The following GSN variants were observed in gnomAD, a reference collection of about 807,000 sequenced individuals.
GSN encodes actin-depolymerizing factor.
A neutral mutation model predicts 85.7 loss-of-function variants in GSN; 56 were observed. The observed-to-expected ratio is 0.65, with a 90% CI of 0.53 to 0.82. The LOEUF is 0.82. GSN is among the 40% of genes least tolerant of loss of function. GSN has a pLI of 0.00. For synonymous variants in GSN, 373 were observed against 399.1 expected (o/e 0.93, Z 0.78); for missense variants, 857 against 979.8 (o/e 0.87, Z 1.67).
chr9:121,213,906 T>C (rs2054010728), intron 4 of GSN, among the ~76,000 whole-genome samples: 1 of 152,188 alleles, frequency 6.6e-6, no homozygotes, highest in African/African-American at 2.4e-5. Context: ...TTAAAAGCCC[T>C]TTCAACCGAC....
chr9:121,205,441 G>T (rs1471990010), upstream of GSN, among the ~76,000 whole-genome samples: 1 of 152,202 alleles, frequency 6.6e-6, no homozygotes, highest in Non-Finnish European at 1.5e-5. Context: ...GGGCAGCACT[G>T]ATCTGCTCTG....
chr9:121,306,545 A>G (rs1235107334), intron 4 of GSN, among the ~76,000 whole-genome samples: 2 of 152,252 alleles, frequency 1.3e-5, no homozygotes, highest in Non-Finnish European at 2.9e-5. Flanking sequence ...CTGAACGTAT[A>G]TAGGTAGACA....
At chr9:121,273,978 T>C (rs1423910278) in intron 1 of GSN, among the ~76,000 whole-genome samples, 1 of 152,224 alleles carries the variant, frequency 6.6e-6, no homozygotes, top group East Asian at 1.9e-4. Flanking sequence ...ATCTTGGGTA[T>C]AAAAACTTCT....
chr9:121,304,067 G>A (rs1258925535), intron 4 of GSN, among the ~76,000 whole-genome samples: 1 of 152,226 alleles, frequency 6.6e-6, no homozygotes, highest in African/African-American at 2.4e-5. Context: ...CTAGGGTAGG[G>A]TCCAAGCCTG....
At chr9:121,304,425 G>C (rs2060198889) in intron 4 of GSN, among the ~76,000 whole-genome samples, 1 of 152,250 alleles carries the variant, frequency 6.6e-6, no homozygotes, top group Non-Finnish European at 1.5e-5. Flanking sequence ...AGTCCCCTGA[G>C]CTGGAGAAGG....
At chr9:121,320,289 CT>C (rs2062251573) in intron 10 of GSN, among the ~76,000 whole-genome samples, 1 of 152,224 alleles carries the variant, frequency 6.6e-6, no homozygotes, top group Non-Finnish European at 1.5e-5. Context: ...CTGCGGAGAC[CT>C]GCCAGCAGGG....
intron 4 of GSN, among the ~76,000 whole-genome samples, chr9:121,215,094 G>A (rs992678693): frequency 1.3e-5 from 2 of 151,978 alleles, no homozygotes; most frequent in African/African-American, 4.8e-5. Context: ...AATCCTTGTT[G>A]TTCTTGGATT....
At chr9:121,227,404 AAGAG>A (rs1036090172) in intron 4 of GSN, among the ~76,000 whole-genome samples, 9 of 151,844 alleles carry the variant, frequency 5.9e-5, no homozygotes, top group Non-Finnish European at 5.9e-5. Flanking sequence ...AAAAAAAAAA[AAGAG>A]AGAGAGAGAA....
At chr9:121,237,627 A>G (rs2054522076) in intron 5 of GSN, among the ~76,000 whole-genome samples, 1 of 152,214 alleles carries the variant, frequency 6.6e-6, no homozygotes, top group Non-Finnish European at 1.5e-5. Context: ...GCACAGAACC[A>G]CAGGCACATC....
intron 2 of GSN, among the ~76,000 whole-genome samples, chr9:121,300,945 G>A (rs1389229010): frequency 6.6e-6 from 1 of 152,150 alleles, no homozygotes; most frequent in African/African-American, 2.4e-5. Flanking sequence ...CCCACTTAGC[G>A]TGCACAGAGC....
At chr9:121,265,545 C>T (rs1202003885), upstream of GSN, 1 of 152,294 alleles carries the variant, frequency 6.6e-6, no homozygotes, top group African/African-American at 2.4e-5. Context: ...ACAGTACAAA[C>T]CTGGGTGCAA....
At chr9:121,280,634 A>G (rs1397336004) in intron 1 of GSN, 2 of 152,384 alleles carry the variant, frequency 1.3e-5, no homozygotes, top group East Asian at 1.9e-4. Flanking sequence ...AAATTTAATT[A>G]TTAATAATCA....
chr9:121,282,609 A>G, intron 2 of GSN: 2 of 913,412 alleles, frequency 2.2e-6, no homozygotes, highest in East Asian at 3.3e-5. Flanking sequence ...GGGATTCCCA[A>G]AAGGTCTGCC....
At chr9:121,239,149 G>A (rs941470117) in intron 5 of GSN, 3 of 341,606 alleles carry the variant, frequency 8.8e-6, no homozygotes, top group African/African-American at 2.1e-5. Context: ...GGCTAAGTCT[G>A]TATAAGTGTA....
At chr9:121,249,441 C>T (rs913091348) in intron 6 of GSN, among the ~76,000 whole-genome samples, 1 of 152,192 alleles carries the variant, frequency 6.6e-6, no homozygotes, top group African/African-American at 2.4e-5. Flanking sequence ...CGTGCCACTG[C>T]ATTCCAGCCT....
At chr9:121,254,052 C>T (rs552937901) in intron 6 of GSN, among the ~76,000 whole-genome samples, 2 of 152,240 alleles carry the variant, frequency 1.3e-5, no homozygotes, top group East Asian at 1.9e-4. Flanking sequence ...TCTGTTCTCT[C>T]GTTCTTTAGC....
chr9:121,226,419 G>A (rs1187696054), intron 4 of GSN, among the ~76,000 whole-genome samples: 1 of 152,214 alleles, frequency 6.6e-6, no homozygotes, highest in Non-Finnish European at 1.5e-5. Context: ...CTGAGTCATA[G>A]GGGATGAGGT....
At chr9:121,232,270 T>C (rs1325775785) in intron 5 of GSN, among the ~76,000 whole-genome samples, 1 of 152,200 alleles carries the variant, frequency 6.6e-6, no homozygotes, top group Admixed American at 6.5e-5. Flanking sequence ...TCTGGTGGGA[T>C]CTTAGGAAAC....
chr9:121,331,661 C>T (rs2063921755), intron 17 of GSN: 3 of 552,314 alleles, frequency 5.4e-6, no homozygotes, highest in Admixed American at 6.1e-5. Context: ...TGAGGCTTCT[C>T]AAAGAAGGCT....
Sources: allele counts gnomAD v4.1 joint callset (sites outside exome capture counted in the v4.1 genomes callset), GRCh38; gene constraint gnomAD v4.1.1; transcripts MANE v1.5; gene names NCBI Gene and HGNC (gene_info 2026-07-23, HGNC 2026-07-21).